Variants in HBP1 observed in about 807,000 individuals in gnomAD.
HBP1 encodes the protein HMG-box transcription factor 1, also known as HMG box-containing protein 1.
A neutral mutation model predicts 62.6 loss-of-function variants in HBP1; 20 were observed. That is an observed-to-expected ratio of 0.32 (90% CI 0.22 to 0.46). The LOEUF (loss-of-function observed/expected upper bound fraction) is 0.46. HBP1 is among the 20% of genes least tolerant of loss of function. HBP1 has a pLI of 1.00. For synonymous variants in HBP1, 232 were observed against 206.2 expected, an observed-to-expected ratio of 1.12 and a Z score of -1.07; for missense variants, 480 against 611.8, an observed-to-expected ratio of 0.78 and a Z score of 2.27.
chr7:107,182,609 C>G lies in HBP1; in HGVS notation c.398+8C>G, dbSNP rs553481671. On this transcript the variant is annotated splice_region_variant and intron_variant, in intron 3 of 10. Transcript: ENST00000222574. ...GTGCTCATTTTACAATAGGTAGGAG[C>G]ATTTATTATATTTTTATTGAAACAT... 7.0e-6 allele frequency: 10 copies of G among 1,420,360 alleles called. No homozygotes were observed. In the East Asian group the frequency reaches 1.8e-4, roughly 26 times the overall value. 88.0% of individuals were successfully genotyped at this position (1,420,360 alleles called of 1,614,324 possible).
intron 7 of HBP1, 31 bp downstream of exon 7, chr7:107,189,479 T>C: frequency 6.5e-7 from 1 of 1,532,734 alleles, no homozygotes; most frequent in South Asian, 1.2e-5. Context: ...GTAGTAACTT[T>C]TTTTAAACAA....
rs1399742466 is a variant in HBP1 at position 107,169,179 on chromosome 7, G to A, written c.-22G>A. 6.6e-5 allele frequency: 72 copies of A among 1,086,834 alleles called. No individual in the cohort carries two copies. Among genetic ancestry groups the A allele is most frequent in the Non-Finnish European group, 7.7e-5 (68 of 880,784 alleles). 67.3% of individuals were successfully genotyped at this position (1,086,834 alleles called of 1,614,324 possible). A position where few individuals can be genotyped will look rare whatever the true frequency, so the allele number is the denominator to read the frequency against. On this transcript the variant is annotated 5_prime_UTR_variant, in exon 1 of 11. Coordinates refer to ENST00000222574, the MANE Select transcript of HBP1 (RefSeq NM_012257.4). ...CCCGCGCCTGGGCTGCCGGCACTTC[G>A]CGGCAGGTTTGTTGTCTTTCAGTTA...
intron 3 of HBP1, among the ~76,000 whole-genome samples, chr7:107,183,415 T>G (rs892482952): frequency 1.4e-4 from 22 of 152,288 alleles, no homozygotes; most frequent in African/African-American, 5.3e-4. Context: ...TTGTAACCCA[T>G]TAAGTTGTGC....
At chr7:107,194,481 A>G (rs1797791743) in intron 8 of HBP1, among the ~76,000 whole-genome samples, 1 of 152,182 alleles carries the variant, frequency 6.6e-6, no homozygotes. Flanking sequence ...TCATGAGGTA[A>G]TTTTGGAGTC....
intron 6 of HBP1, 113 bp downstream of exon 6, chr7:107,186,794 A>G (rs1467467950): frequency 3.0e-6 from 2 of 664,380 alleles, no homozygotes; most frequent in South Asian, 1.9e-5. Flanking sequence ...GACATCGTAC[A>G]TTTTAGGTAG....
chr7:107,181,134 A>G (rs1279762818), intron 2 of HBP1, among the ~76,000 whole-genome samples: 1 of 152,168 alleles, frequency 6.6e-6, no homozygotes, highest in Admixed American at 6.5e-5. Flanking sequence ...TCATGACTCC[A>G]TGAAAGAAGT....
chr7:107,186,487 C>A lies in HBP1; in HGVS notation c.652+15C>A. 6.3e-7 allele frequency: 1 copy of A among 1,590,688 alleles called. No homozygotes were observed. Among genetic ancestry groups the A allele is most frequent in the Non-Finnish European group, 8.6e-7 (1 of 1,161,254 alleles). On this transcript the variant is annotated intron_variant, in intron 5 of 10. Coordinates refer to ENST00000222574, the MANE Select transcript of HBP1 (RefSeq NM_012257.4). ...TTTTTTGAAAGGTAAAACAAACAAA[C>A]AAACAAAAACCTTGAATTTTCCACA...
chr7:107,184,117 GT>G (rs2115876719), intron 3 of HBP1, among the ~76,000 whole-genome samples: 1 of 152,144 alleles, frequency 6.6e-6, no homozygotes, highest in African/African-American at 2.4e-5. Flanking sequence ...TGTTACTTCT[GT>G]TTTAAATGGT....
chr7:107,190,073 A>C (rs1414657285), intron 7 of HBP1, 100 bp from the exon 8 acceptor site: 1 of 818,982 alleles, frequency 1.2e-6, no homozygotes, highest in East Asian at 2.7e-5. Context: ...GAGACTTAGC[A>C]ATAACATTTT....
intron 3 of HBP1, among the ~76,000 whole-genome samples, chr7:107,183,507 T>C (rs1797209606): frequency 2.0e-5 from 3 of 152,220 alleles, no homozygotes; most frequent in African/African-American, 7.2e-5. Context: ...TCCGTGTTCA[T>C]TTCCACAGGA....
Position 107,169,184 on chromosome 7 carries a change from A to T in HBP1, c.-17A>T, listed in dbSNP as rs568334912. 8.7e-4 allele frequency: 390 copies of T among 449,818 alleles called. 3 individuals carry two copies. The African/African-American group carries it at 0.012, about 14-fold the overall frequency. 27.9% of individuals were successfully genotyped at this position (449,818 alleles called of 1,614,324 possible). A position where few individuals can be genotyped will look rare whatever the true frequency, so the allele number is the denominator to read the frequency against. On this transcript the variant is annotated splice_region_variant and 5_prime_UTR_variant, in exon 1 of 11. Transcript: ENST00000222574. ...GCCTGGGCTGCCGGCACTTCGCGGC[A>T]GGTTTGTTGTCTTTCAGTTAGGGAA...
intron 6 of HBP1, among the ~76,000 whole-genome samples, chr7:107,187,856 C>T (rs1164780323): frequency 2.0e-5 from 3 of 152,156 alleles, no homozygotes; most frequent in African/African-American, 7.2e-5. Flanking sequence ...TCTTTTAGGC[C>T]TGGTACTTGA....
At chr7:107,196,566 C>A in intron 9 of HBP1, 1 of 249,626 alleles carries the variant, frequency 4.0e-6, no homozygotes, top group Non-Finnish European at 8.0e-6. Context: ...CTGTGCCCGG[C>A]CAGGTTGACT....
chr7:107,174,621 AG>A (rs1300402919), intron 1 of HBP1: 1 of 985,460 alleles, frequency 1.0e-6, no homozygotes, highest in East Asian at 1.1e-4. Flanking sequence ...CTGCAGAGGG[AG>A]GGGGAAGACA....
chr7:107,187,456 T>TG (rs1419733446), intron 6 of HBP1, among the ~76,000 whole-genome samples: 10 of 152,202 alleles, frequency 6.6e-5, no homozygotes, highest in Non-Finnish European at 1.3e-4. Context: ...AATATTAGGA[T>TG]AAAGTTGACA....
In HBP1 at chr7:107,186,034, G is replaced by C. The variant is rs901693243; in HGVS notation, c.540+92G>C. The C allele has an allele frequency of 1.9e-5, 18 of 929,138 alleles. No homozygotes were observed. The African/African-American group carries it at 2.6e-4, about 14-fold the overall frequency. The allele number at this position is 929,138 out of a possible 1,614,324, so 57.6% of individuals were successfully genotyped here. ...TCATAGGAAGTAGTCTCACTGTTCT[G>C]TTAGTGATCTGGATTTGATTTTATA... is the stretch of plus-strand genomic sequence containing the variant. On this transcript the variant is annotated intron_variant, in intron 4 of 10. Transcript: ENST00000222574.
In HBP1 at chr7:107,177,183, T is replaced by C. The variant is rs969533285; in HGVS notation, c.-15-2696T>C. Reference sequence around the variant, plus strand: ...TATTTCATTTCATCTTCACAACTACTATCAGAGGAGAGTAGGGCAGGTATC... The same window carrying C: ...TATTTCATTTCATCTTCACAACTACCATCAGAGGAGAGTAGGGCAGGTATC... On this transcript the variant is annotated intron_variant, in intron 1 of 10. Coordinates refer to ENST00000222574, the MANE Select transcript of HBP1 (RefSeq NM_012257.4). Among the ~76,000 whole-genome samples, 6 of 152,346 alleles carry C rather than the reference T, an allele frequency of 3.9e-5. No homozygotes were observed. The East Asian group carries it at 1.2e-3, about 29-fold the overall frequency.
In HBP1 at chr7:107,199,052, G is replaced by C. The variant is rs1798068972; in HGVS notation, c.1386-1108G>C. On this transcript the variant is annotated intron_variant, in intron 9 of 10. Coordinates refer to ENST00000222574, the MANE Select transcript of HBP1 (RefSeq NM_012257.4). The stretch of plus-strand genomic sequence containing the variant: ...CAAGACTAAAAGTTTTTTTTTTAAT[G>C]GGTTCTGCAAATGGAATATAAAAAT... Among the ~76,000 whole-genome samples the C allele has an allele frequency of 2.6e-5, 4 of 151,620 alleles. 1 individual carries two copies. The South Asian group carries it at 8.3e-4, about 32-fold the overall frequency.
At chr7:107,185,425 A>G (rs1432596419) in intron 3 of HBP1, among the ~76,000 whole-genome samples, 2 of 152,226 alleles carry the variant, frequency 1.3e-5, no homozygotes, top group African/African-American at 4.8e-5. Flanking sequence ...ACTGAGACTT[A>G]CTGAGTACAT....
Sources: gnomAD v4.1 joint callset for allele counts (sites outside exome capture counted in the v4.1 genomes callset) on GRCh38, gnomAD v4.1.1 for gene constraint, MANE v1.5 for transcripts, NCBI Gene and HGNC (gene_info 2026-07-23, HGNC 2026-07-21) for gene names.